Variants in ADGRG5 observed in about 807,000 individuals in gnomAD.
ADGRG5 encodes the protein G protein-coupled receptor 114.
ADGRG5 carries 37 observed loss-of-function variants against 53.2 expected under a neutral mutation model. That is an observed-to-expected ratio of 0.70 (90% CI 0.53 to 0.91). ADGRG5 has a LOEUF of 0.91. Among genes scored for constraint, ADGRG5 ranks in the 40% least tolerant of loss-of-function variants. The probability of loss-of-function intolerance (pLI) is 0.00; values close to 1 mark genes in which losing one functional copy is unlikely to be tolerated. For missense variants in ADGRG5, 614 were observed against 675.8 expected (o/e 0.91, Z 1.01); for synonymous variants, 277 against 290.4 (o/e 0.95, Z 0.47).
upstream of ADGRG5, among the ~76,000 whole-genome samples, chr16:57,541,485 A>G (rs1004911): frequency 0.53 from 80,795 of 151,982 alleles, 23,105 homozygotes; most frequent in African/African-American, 0.74. Flanking sequence ...TCCCTGCAAA[A>G]CCTTCACCGT....
chr16:57,569,736 C>T (rs1456594049), intron 9 of ADGRG5, among the ~76,000 whole-genome samples: 1 of 151,800 alleles, frequency 6.6e-6, no homozygotes, highest in Non-Finnish European at 1.5e-5. Context: ...CATCCTCCAT[C>T]TCCTCCACCT....
rs749199897 is a variant in ADGRG5, at chr16:57,562,122, G to T, written c.29G>T (p.Cys10Phe). MDHCGALFL[C>F]LCLLTLQNAT... Reference sequence around the variant, plus strand: ...GATCACTGTGGTGCCCTTTTCCTGTGCCTGTGCCTTCTGACTTTGCAGAAT... The same window carrying T: ...GATCACTGTGGTGCCCTTTTCCTGTTCCTGTGCCTTCTGACTTTGCAGAAT... Residue 10 changes from cysteine (C) to phenylalanine (F), a missense_variant, in exon 2 of 12, where the codon TGC becomes TTC. Transcript: ENST00000349457. The T allele has an allele frequency of 6.2e-7, 1 of 1,601,866 alleles. No individual in the cohort carries two copies. Among genetic ancestry groups the T allele is most frequent in the Non-Finnish European group, 8.5e-7 (1 of 1,171,426 alleles).
chr16:57,545,460 G>C (rs1278897990), intron 1 of ADGRG5, among the ~76,000 whole-genome samples: 1 of 152,202 alleles, frequency 6.6e-6, no homozygotes, highest in East Asian at 1.9e-4. Flanking sequence ...GCTGAGGTGG[G>C]AGGATCGCTT....
chr16:57,532,952 G>A, the ADGRG5 span, among the ~76,000 whole-genome samples: 1,511 of 152,294 alleles, frequency 9.9e-3, 6 homozygotes, highest in Non-Finnish European at 0.016. Context: ...GCAGGGAGGG[G>A]GCCACTGCCA....
In ADGRG5 at chr16:57,574,875, G is replaced by A. The variant is rs140347967; in HGVS notation, c.1269G>A (p.Thr423=). 2.7e-5 allele frequency: 43 copies of A among 1,611,562 alleles called. No individual in the cohort carries two copies. The African/African-American group carries it at 3.7e-4, about 14-fold the overall frequency. The change falls in exon 11 of 12, where the codon ACG becomes ACA. Residue 423 remains threonine (T), a synonymous_variant. Transcript: ENST00000349457. The surrounding 1 kb of genome is among the most constrained non-coding windows in gnomAD (Gnocchi z 4.4). ...TGGTCATGGGCTACGGCGGCCTCAC[G>A]TCCCTCTTCAACCTGGTGGTGCTGG... ...SVLVMGYGGL[T]SLFNLVVLAW...
Position 57,567,462 on chromosome 16 carries a change from T to A in ADGRG5, c.700-8T>A, listed in dbSNP as rs1226234347. 2 of 1,606,358 alleles carry A rather than the reference T, an allele frequency of 1.2e-6. No individual in the cohort carries two copies. Among genetic ancestry groups the A allele is most frequent in the Admixed American group, 1.7e-5 (1 of 59,992 alleles). On this transcript the variant is annotated splice_region_variant and splice_polypyrimidine_tract_variant and intron_variant, in intron 7 of 11. Coordinates refer to ENST00000349457, the MANE Select transcript of ADGRG5 (RefSeq NM_001304376.3). Reference sequence around the variant, plus strand: ...CTTCTGGCCTCCAGCCCCTCTTCCCTCCTGCAGCAACTCTCCCCAGCCCTG... The same window carrying A: ...CTTCTGGCCTCCAGCCCCTCTTCCCACCTGCAGCAACTCTCCCCAGCCCTG...
the ADGRG5 span, chr16:57,536,714 G>A: frequency 6.6e-6 from 1 of 152,234 alleles, no homozygotes. Context: ...AGCTGCTGGG[G>A]TGGGGGCTCC....
chr16:57,549,782 A>G (rs577041603), intron 1 of ADGRG5, among the ~76,000 whole-genome samples: 1 of 152,208 alleles, frequency 6.6e-6, no homozygotes, highest in Admixed American at 6.5e-5. Context: ...TGACTTTTCT[A>G]GATTCCACTT....
the ADGRG5 span, among the ~76,000 whole-genome samples, chr16:57,537,018 C>T: frequency 6.6e-6 from 1 of 152,168 alleles, no homozygotes; most frequent in African/African-American, 2.4e-5. Flanking sequence ...CAAGTCTGTG[C>T]CCATCGGGCC....
upstream of ADGRG5, among the ~76,000 whole-genome samples, chr16:57,539,061 G>A (rs1289501500): frequency 6.6e-6 from 1 of 152,176 alleles, no homozygotes; most frequent in Non-Finnish European, 1.5e-5. Context: ...TAGCTGAAAG[G>A]TGGAAGTAAC....
At chr16:57,532,274 C>G in the ADGRG5 span, among the ~76,000 whole-genome samples, 1 of 152,124 alleles carries the variant, frequency 6.6e-6, no homozygotes, top group South Asian at 2.1e-4. Flanking sequence ...TTCTTACTAC[C>G]CACAGTTCCA....
intron 1 of ADGRG5, among the ~76,000 whole-genome samples, chr16:57,544,250 A>G (rs1418399887): frequency 5.9e-5 from 9 of 152,148 alleles, no homozygotes; most frequent in African/African-American, 2.2e-4. Flanking sequence ...TTTCCCCACC[A>G]TCAACTGGAA....
At chr16:57,539,453 CCT>C (rs1567609871), upstream of ADGRG5, among the ~76,000 whole-genome samples, 7 of 108,774 alleles carry the variant, frequency 6.4e-5, no homozygotes, top group Non-Finnish European at 6.5e-5. Flanking sequence ...GCACTGTACC[CCT>C]TTTTTTTTTT....
At chr16:57,537,117 G>A in the ADGRG5 span, among the ~76,000 whole-genome samples, 1 of 152,198 alleles carries the variant, frequency 6.6e-6, no homozygotes, top group Non-Finnish European at 1.5e-5. Flanking sequence ...ACTCGGCCCG[G>A]CGGGCGGAGA....
At chr16:57,573,234 T>A (rs1271542663) in intron 10 of ADGRG5, among the ~76,000 whole-genome samples, 1 of 151,828 alleles carries the variant, frequency 6.6e-6, no homozygotes, top group Admixed American at 6.6e-5. Flanking sequence ...GAGTTCGAGA[T>A]CAACCTGGAC....
chr16:57,567,808 GC>G (rs1277785601), intron 8 of ADGRG5, 47 bp from the exon 9 acceptor site: 8 of 1,574,166 alleles, frequency 5.1e-6, no homozygotes, highest in Non-Finnish European at 6.9e-6. Context: ...GGGTAGTGCT[GC>G]CTGGGTGATG....
rs374326352 is a variant in ADGRG5 at position 57,567,947 on chromosome 16, G to C, written c.913G>C (p.Ala305Pro). 1.1e-5 allele frequency: 18 copies of C among 1,613,738 alleles called. No homozygotes were observed. Among genetic ancestry groups the C allele is most frequent in the Non-Finnish European group, 1.4e-5 (17 of 1,179,950 alleles). The part of the protein sequence containing the change: ...NIAFLLSPAF[A>P]MSPVPGSACT... ...CGCCTTCCTGCTGAGCCCCGCATTCGCAATGTCTCCTGTGCCCGGGTCAGC... is the reference window on the plus strand; with the variant it reads ...CGCCTTCCTGCTGAGCCCCGCATTCCCAATGTCTCCTGTGCCCGGGTCAGC... Residue 305 changes from alanine (A) to proline (P), a missense_variant, in exon 9 of 12, where the codon GCA (alanine) becomes CCA (proline). Transcript: ENST00000349457.
intron 1 of ADGRG5, among the ~76,000 whole-genome samples, chr16:57,547,174 G>GT (rs1363736322): frequency 3.3e-5 from 5 of 151,604 alleles, no homozygotes; most frequent in South Asian, 2.1e-4. Context: ...AAATATTTGT[G>GT]TTTTTTTTGT....
At chr16:57,566,258 G>T in intron 6 of ADGRG5, 1 of 211,302 alleles carries the variant, frequency 4.7e-6, no homozygotes. Flanking sequence ...GGGATCAGCT[G>T]GTTATGGAGC....
Sources: gnomAD v4.1 joint callset for allele counts (sites outside exome capture counted in the v4.1 genomes callset) on GRCh38, gnomAD v4.1.1 for gene constraint, Gnocchi (gnomAD v3.1) non-coding constraint, MANE v1.5 for transcripts, NCBI Gene and HGNC (gene_info 2026-07-23, HGNC 2026-07-21) for gene names.